ABHD17C: variants seen among roughly 807,000 people sequenced by gnomAD.
ABHD17C encodes the protein abhydrolase domain containing 17C, depalmitoylase.
A neutral mutation model predicts 27.9 loss-of-function variants in ABHD17C; 11 were observed. The observed-to-expected ratio is 0.39, with a 90% CI of 0.25 to 0.65. ABHD17C has a LOEUF of 0.65. ABHD17C is among the 30% of genes least tolerant of loss of function. The pLI, the probability that ABHD17C is intolerant of heterozygous loss-of-function variation, is 0.45. For missense variants in ABHD17C, 280 were observed against 470.2 expected, an observed-to-expected ratio of 0.60 and a Z score of 3.74; for synonymous variants, 233 against 209.1, an observed-to-expected ratio of 1.11 and a Z score of -0.98.
chr15:80,749,413 T>C, intron 1 of ABHD17C, 100 bp from the exon 2 acceptor site: 4 of 1,230,766 alleles, frequency 3.3e-6, no homozygotes, highest in Non-Finnish European at 4.5e-6. Flanking sequence ...TTTAAGCTGG[T>C]GGATGTGGGA....
chr15:80,752,208 C>A (rs543537817), intron 2 of ABHD17C, among the ~76,000 whole-genome samples: 2 of 152,276 alleles, frequency 1.3e-5, no homozygotes, highest in South Asian at 4.1e-4. Flanking sequence ...TAATTGAACT[C>A]TCTTAAAGGA....
chr15:80,698,601 C>T (rs139326211), intron 1 of ABHD17C, among the ~76,000 whole-genome samples: 1 of 152,194 alleles, frequency 6.6e-6, no homozygotes, highest in African/African-American at 2.4e-5. Flanking sequence ...CTTGGTTATT[C>T]TGCTGACATA....
chr15:80,716,875 G>A (rs1016015719), intron 1 of ABHD17C, among the ~76,000 whole-genome samples: 2 of 152,116 alleles, frequency 1.3e-5, no homozygotes, highest in African/African-American at 2.4e-5. Context: ...CTCTCCGAAC[G>A]CATCCCTGTT....
intron 1 of ABHD17C, chr15:80,702,972 T>C (rs1894594903): frequency 6.6e-6 from 1 of 152,222 alleles, no homozygotes; most frequent in Non-Finnish European, 1.5e-5. Flanking sequence ...TATGTCAGTT[T>C]TGTGCAGCTG....
intron 1 of ABHD17C, among the ~76,000 whole-genome samples, chr15:80,733,331 C>G (rs1176848166): frequency 6.6e-6 from 1 of 152,142 alleles, no homozygotes; most frequent in African/African-American, 2.4e-5. Flanking sequence ...ATCAAGCAGG[C>G]TCACTTGCTC....
At chr15:80,724,456 T>C (rs942431998) in intron 1 of ABHD17C, among the ~76,000 whole-genome samples, 5 of 152,168 alleles carry the variant, frequency 3.3e-5, no homozygotes, top group Admixed American at 3.3e-4. Flanking sequence ...TGACTCAGGG[T>C]CGTCACTGTG....
chr15:80,746,834 T>C (rs1345038587), intron 1 of ABHD17C, among the ~76,000 whole-genome samples: 1 of 152,190 alleles, frequency 6.6e-6, no homozygotes, highest in Non-Finnish European at 1.5e-5. Context: ...TGGCGTGTTA[T>C]ATAGAAGACA....
chr15:80,736,847 A>G (rs1895137840), intron 1 of ABHD17C, among the ~76,000 whole-genome samples: 1 of 152,186 alleles, frequency 6.6e-6, no homozygotes, highest in Admixed American at 6.5e-5. Flanking sequence ...TGTAGAAGGA[A>G]AAGCAAGCCT....
chr15:80,753,970 C>G (rs911578199), intron 2 of ABHD17C, among the ~76,000 whole-genome samples, 181 bp from the exon 3 acceptor site: 1 of 151,994 alleles, frequency 6.6e-6, no homozygotes, highest in Non-Finnish European at 1.5e-5. Flanking sequence ...TGCTGTGAAC[C>G]TAAAACTGCT....
intron 1 of ABHD17C, among the ~76,000 whole-genome samples, chr15:80,723,801 G>A (rs16972312): frequency 0.028 from 4,290 of 151,448 alleles, 178 homozygotes; most frequent in East Asian, 0.11. Flanking sequence ...TTTCTAATCC[G>A]ACCAACCGCT....
intron 1 of ABHD17C, among the ~76,000 whole-genome samples, chr15:80,696,613 G>T (rs1366964435): frequency 6.6e-6 from 1 of 152,172 alleles, no homozygotes; most frequent in Non-Finnish European, 1.5e-5. Flanking sequence ...CAGGAAGTTA[G>T]CTGGTAGCTG....
At chr15:80,723,138 A>ATATG (rs58011508) in intron 1 of ABHD17C, among the ~76,000 whole-genome samples, 5 of 124,936 alleles carry the variant, frequency 4.0e-5, no homozygotes, top group African/African-American at 1.2e-4. Flanking sequence ...GTGTGTATAT[A>ATATG]TGTGTGTGTG....
chr15:80,704,473 G>C (rs1894614928), intron 1 of ABHD17C: 1 of 141,102 alleles, frequency 7.1e-6, no homozygotes, highest in African/African-American at 2.5e-5. Context: ...GGGCTGCATG[G>C]CGCGTGTGTA....
At chr15:80,748,329 C>T (rs1353070204) in intron 1 of ABHD17C, among the ~76,000 whole-genome samples, 1 of 152,200 alleles carries the variant, frequency 6.6e-6, no homozygotes, top group Non-Finnish European at 1.5e-5. Context: ...ATTGTTGGCT[C>T]ACGGGCTTCA....
chr15:80,711,422 T>C (rs894634061), intron 1 of ABHD17C, among the ~76,000 whole-genome samples: 13 of 152,302 alleles, frequency 8.5e-5, no homozygotes. Context: ...GCAGGACAGC[T>C]CCATGCTTGC....
intron 1 of ABHD17C, among the ~76,000 whole-genome samples, chr15:80,732,545 T>G (rs1218496797): frequency 6.6e-6 from 1 of 152,160 alleles, no homozygotes; most frequent in Non-Finnish European, 1.5e-5. Context: ...AATGATGCTA[T>G]GAACTTTTTA....
At chr15:80,703,784 T>C (rs1426263127) in intron 1 of ABHD17C, among the ~76,000 whole-genome samples, 6 of 152,220 alleles carry the variant, frequency 3.9e-5, no homozygotes, top group African/African-American at 1.4e-4. Flanking sequence ...AGATTTTTTA[T>C]ACATTTATAT....
intron 1 of ABHD17C, among the ~76,000 whole-genome samples, chr15:80,701,296 T>C (rs1894568061): frequency 6.6e-6 from 1 of 152,142 alleles, no homozygotes; most frequent in South Asian, 2.1e-4. Context: ...AACTTCTTTG[T>C]TCTCAGTGTT....
chr15:80,707,948 C>T (rs1894670771), intron 1 of ABHD17C, among the ~76,000 whole-genome samples: 2 of 152,224 alleles, frequency 1.3e-5, no homozygotes, highest in South Asian at 4.1e-4. Flanking sequence ...GTTTCCAATT[C>T]CTGTTTCCAT....
Sources: gnomAD v4.1 joint callset for allele counts (sites outside exome capture counted in the v4.1 genomes callset) on GRCh38, gnomAD v4.1.1 for gene constraint, MANE v1.5 for transcripts, NCBI Gene and HGNC (gene_info 2026-07-23, HGNC 2026-07-21) for gene names.